Variants in RAD51B observed in about 807,000 individuals in gnomAD.
RAD51B encodes the protein DNA repair protein RAD51 homolog 2.
In RAD51B, 38 loss-of-function variants were observed where a neutral mutation model predicts 42.2. That is an observed-to-expected ratio of 0.90 (90% CI 0.70 to 1.18). The LOEUF is 1.18. Among genes scored for constraint, RAD51B ranks in the 50% most tolerant of loss-of-function variants. RAD51B has a pLI of 0.00. For synonymous variants in RAD51B, 154 were observed against 145.2 expected (o/e 1.06, Z -0.43); for missense variants, 373 against 400.7 (o/e 0.93, Z 0.59).
chr14:68,163,292 A>G (rs907032371), intron 7 of RAD51B, among the ~76,000 whole-genome samples: 2 of 152,198 alleles, frequency 1.3e-5, no homozygotes, highest in Admixed American at 6.5e-5. Flanking sequence ...CTTGTTTTCC[A>G]AATTCTCATG....
At position 67,864,375 on chromosome 14, in the gene RAD51B, C is replaced by T. The variant is rs34819754; in HGVS notation, c.316-628C>T. ...ACAGACATTTCAAAGTAGGAATCAC[C>T]TAAACTCAACAGTTGTTTATAAAGC... On this transcript the variant is annotated intron_variant, in intron 4 of 10. Transcript: ENST00000471583. 4.3e-3 allele frequency among the ~76,000 whole-genome samples: 658 copies of T among 152,302 alleles called. 3 individuals carry two copies. Among genetic ancestry groups the T allele is most frequent in the Admixed American group, 0.021 (321 of 15,306 alleles).
chr14:68,371,036 C>CAAAAAAAAAAAAA (rs75617123), intron 8 of RAD51B, among the ~76,000 whole-genome samples: 5 of 26,008 alleles, frequency 1.9e-4, no homozygotes, highest in African/African-American at 5.9e-4. Context: ...GACTCTGTCT[C>CAAAAAAAAAAAAA]AAAAAAAAAA....
chr14:68,642,761 C>T (rs1294681067), intron 10 of RAD51B, among the ~76,000 whole-genome samples: 2 of 152,090 alleles, frequency 1.3e-5, no homozygotes, highest in Non-Finnish European at 2.9e-5. Context: ...TTCCCCAAGC[C>T]CTGCTTTTGC....
At chr14:68,643,663 T>C (rs1356929995) in intron 10 of RAD51B, among the ~76,000 whole-genome samples, 1 of 152,256 alleles carries the variant, frequency 6.6e-6, no homozygotes. Flanking sequence ...AATGGATAGA[T>C]ATGTTCAGAA....
chr14:68,412,543 A>G (rs1276394990), intron 9 of RAD51B, among the ~76,000 whole-genome samples: 1 of 152,196 alleles, frequency 6.6e-6, no homozygotes, highest in African/African-American at 2.4e-5. Flanking sequence ...GGCGTGAGCT[A>G]TTGCCTGTTC....
intron 7 of RAD51B, among the ~76,000 whole-genome samples, chr14:67,998,912 A>T (rs994680077): frequency 6.6e-6 from 1 of 152,060 alleles, no homozygotes; most frequent in African/African-American, 2.4e-5. Flanking sequence ...CTCAAGGGGA[A>T]CCCTGTGTAG....
intron 7 of RAD51B, among the ~76,000 whole-genome samples, chr14:68,092,017 G>A (rs1225920268): frequency 6.6e-6 from 1 of 152,152 alleles, no homozygotes; most frequent in Admixed American, 6.5e-5. Context: ...GTAGATATGT[G>A]GCATTATTTC....
intron 7 of RAD51B, among the ~76,000 whole-genome samples, chr14:68,115,402 G>C (rs1169128383): frequency 3.0e-5 from 3 of 100,250 alleles, no homozygotes; most frequent in African/African-American, 1.3e-4. Context: ...TTGTGGGGTG[G>C]GGGGAGGGGG....
intron 10 of RAD51B, among the ~76,000 whole-genome samples, chr14:68,640,174 G>C (rs1892428027): frequency 1.3e-5 from 2 of 152,112 alleles, no homozygotes; most frequent in Non-Finnish European, 2.9e-5. Flanking sequence ...CATGCATTAG[G>C]CATGTGTGAT....
intron 4 of RAD51B, among the ~76,000 whole-genome samples, chr14:67,858,620 A>G (rs2042070787): frequency 1.3e-5 from 2 of 152,222 alleles, no homozygotes; most frequent in Admixed American, 6.5e-5. Context: ...TATACGTAAA[A>G]TAGGTGAAGG....
intron 5 of RAD51B, among the ~76,000 whole-genome samples, chr14:67,869,944 A>T (rs1156893304): frequency 1.3e-5 from 2 of 152,048 alleles, no homozygotes; most frequent in Admixed American, 1.3e-4. Flanking sequence ...AGCGCTAAAC[A>T]TGGAAAGGAA....
intron 8 of RAD51B, among the ~76,000 whole-genome samples, chr14:68,382,246 C>T (rs762737812): frequency 1.3e-5 from 2 of 152,248 alleles, no homozygotes; most frequent in African/African-American, 2.4e-5. Context: ...CCTCTTCCCA[C>T]TGGGTAGATG....
At chr14:68,082,703 T>C (rs2076929761) in intron 7 of RAD51B, among the ~76,000 whole-genome samples, 1 of 152,146 alleles carries the variant, frequency 6.6e-6, no homozygotes, top group Non-Finnish European at 1.5e-5. Context: ...TATAGCTGTA[T>C]TATAATTTTT....
chr14:68,565,975 G>A lies in RAD51B; in HGVS notation c.1037-28510G>A, dbSNP rs1223582107. Among the ~76,000 whole-genome samples, 1 of 152,156 alleles carries A rather than the reference G, an allele frequency of 6.6e-6. No individual in the cohort carries two copies. Among genetic ancestry groups the A allele is most frequent in the East Asian group, 1.9e-4 (1 of 5,188 alleles). On this transcript the variant is annotated intron_variant, in intron 10 of 10. Transcript: ENST00000487270. The surrounding 1 kb of genome is among the most constrained non-coding windows in gnomAD (Gnocchi z 4.1). ...GTGTCTGCTTTTATACCTTGGGTAT[G>A]TTGGGGTAGAAAGCTTTAGGACCAT...
intron 1 of RAD51B, among the ~76,000 whole-genome samples, chr14:67,823,133 C>A (rs1236086493): frequency 3.3e-5 from 5 of 152,180 alleles, no homozygotes; most frequent in Non-Finnish European, 7.3e-5. Flanking sequence ...TAAATTGTTA[C>A]AGTGCAATAG....
At chr14:68,563,892 T>TC in intron 10 of RAD51B, 1 of 985,486 alleles carries the variant, frequency 1.0e-6, no homozygotes, top group Non-Finnish European at 1.2e-6. Flanking sequence ...CAGCCTTGAG[T>TC]AACGGCCACA....
At chr14:68,192,803 C>T (rs552648158) in intron 7 of RAD51B, among the ~76,000 whole-genome samples, 2 of 152,206 alleles carry the variant, frequency 1.3e-5, no homozygotes, top group African/African-American at 2.4e-5. Context: ...ATGAGTTACC[C>T]TTGTTAAAAT....
chr14:68,334,976 A>G, intron 8 of RAD51B, among the ~76,000 whole-genome samples: 1 of 148,462 alleles, frequency 6.7e-6, no homozygotes, highest in Admixed American at 6.7e-5. Flanking sequence ...TATATATAAA[A>G]AAACAAACAA....
In RAD51B at chr14:68,648,036, T is replaced by TATATATATATATATATAC. The variant is rs375269798; in HGVS notation, c.1037-2744_1037-2743insTATATATATATATATACA. Among the ~76,000 whole-genome samples the TATATATATATATATATAC allele has an allele frequency of 8.5e-3, 968 of 113,946 alleles. 41 individuals are homozygous for TATATATATATATATATAC. Among genetic ancestry groups the TATATATATATATATATAC allele is most frequent in the African/African-American group, 0.025 (748 of 29,878 alleles). 74.8% of individuals were successfully genotyped at this position (113,946 alleles called of 152,430 possible). A position where few individuals can be genotyped will look rare whatever the true frequency, so the allele number is the denominator to read the frequency against. On this transcript the variant is annotated intron_variant, in intron 10 of 11. Coordinates refer to the RAD51B transcript ENST00000488612. The stretch of plus-strand genomic sequence containing the variant: ...ATATATATATACGTATATATATATA[T>TATATATATATATATATAC]ACACACGTATATAGATGTGTGTGTG...
Sources: allele counts gnomAD v4.1 joint callset (sites outside exome capture counted in the v4.1 genomes callset), GRCh38; gene constraint gnomAD v4.1.1; non-coding constraint Gnocchi (gnomAD v3.1); transcripts MANE v1.5; gene names NCBI Gene and HGNC (gene_info 2026-07-23, HGNC 2026-07-21).